BRME1: variants seen among roughly 807,000 people sequenced by gnomAD.
BRME1 encodes break repair meiotic recombinase recruitment factor 1.
A neutral mutation model predicts 52.6 loss-of-function variants in BRME1; 31 were observed. The observed-to-expected ratio is 0.59, with a 90% CI of 0.44 to 0.80. The LOEUF (loss-of-function observed/expected upper bound fraction) is 0.80. Among genes scored for constraint, BRME1 ranks in the 30% least tolerant of loss-of-function variants. The pLI is 0.00. For synonymous variants in BRME1, 359 were observed against 353.6 expected (o/e 1.02, Z -0.17); for missense variants, 804 against 860.3 (o/e 0.93, Z 0.82).
rs201080879 is a variant in BRME1 at position 13,892,888 on chromosome 19, G to A, written c.291C>T (p.Asn97=). 4.3e-6 allele frequency: 7 copies of A among 1,612,502 alleles called. No homozygotes were observed. The highest frequency in any genetic ancestry group is 3.3e-5 in the Admixed American group (2 of 60,024). ...ACTGGGGAACAAACCTCCCGAATGA[G>A]TTCTGTAAACCGGATACAAGAACAA... ...KEPAPLPPSQ[N]SFGRFVPQFA... Residue 97 remains asparagine (N), a splice_region_variant and synonymous_variant, in exon 5 of 9, where the codon AAC becomes AAT. Coordinates refer to ENST00000586783, the MANE Select transcript of BRME1 (RefSeq NM_001345843.2).
rs1969828539 is a variant in BRME1 at position 13,895,562 on chromosome 19, AG to A, written c.32-17del. ...AGTCCCTCTCCTGTTTTAGAGACAGAGGAAGATGAAGGGGTGGGGGATACAG... is the reference window on the plus strand; with the variant it reads ...AGTCCCTCTCCTGTTTTAGAGACAGAGAAGATGAAGGGGTGGGGGATACAG... On this transcript the variant is annotated splice_polypyrimidine_tract_variant and intron_variant, in intron 2 of 8. Coordinates refer to ENST00000586783, the MANE Select transcript of BRME1 (RefSeq NM_001345843.2). 6.2e-7 allele frequency: 1 copy of A among 1,603,434 alleles called. No homozygotes were observed. Among genetic ancestry groups the A allele is most frequent in the African/African-American group, 1.3e-5 (1 of 74,456 alleles).
At chr19:13,887,469 G>A (rs2145129305) in intron 6 of BRME1, among the ~76,000 whole-genome samples, 1 of 152,278 alleles carries the variant, frequency 6.6e-6, no homozygotes, top group Admixed American at 6.5e-5. Context: ...TGGATTTCAG[G>A]GTCTTTTTCC....
At chr19:13,886,153 C>A in intron 6 of BRME1, 98 bp from the exon 7 acceptor site, 1 of 998,538 alleles carries the variant, frequency 1.0e-6, no homozygotes, top group Admixed American at 2.1e-5. Context: ...GGCTTCACCG[C>A]GGCCACAGCA....
Position 13,890,262 on chromosome 19 carries a change from C to A in BRME1, c.594G>T (p.Gly198=). 1.9e-6 allele frequency: 3 copies of A among 1,613,766 alleles called. No individual in the cohort carries two copies. The highest frequency in any genetic ancestry group is 2.2e-5 in the South Asian group (2 of 91,062). Residue 198 remains glycine (G), a synonymous_variant, in exon 6 of 9, where the codon GGG becomes GGT. Coordinates refer to ENST00000586783, the MANE Select transcript of BRME1 (RefSeq NM_001345843.2). ...CCCTCTGTGAGGCGGACAACCCCGT[C>A]CCCCTGTCTGGAGGGTCATCAGGCT... ...DSQPDDPPDR[G]TGLSASQRAS... is the part of the protein sequence containing the mutation.
chr19:13,884,408 T>G (rs1337130412), intron 7 of BRME1, among the ~76,000 whole-genome samples: 1 of 151,766 alleles, frequency 6.6e-6, no homozygotes, highest in African/African-American at 2.4e-5. Context: ...GGTGGATTAC[T>G]TGAATCCAGG....
At position 13,883,049 on chromosome 19, in the gene BRME1, T is replaced by C; in HGVS notation, c.1857-97A>G. ...GCCACATGGTCACCAATGACTCAGG[T>C]GCACACACACGGCTCACACACGTGC... On this transcript the variant is annotated intron_variant, in intron 8 of 8. Coordinates refer to ENST00000586783, the MANE Select transcript of BRME1 (RefSeq NM_001345843.2). This position sits in a 1 kb window ranked among gnomAD's most constrained non-coding sequence, Gnocchi z 4.2. 6.9e-7 allele frequency: 1 copy of C among 1,453,054 alleles called. No homozygotes were observed. The highest frequency in any genetic ancestry group is 9.4e-7 in the Non-Finnish European group (1 of 1,068,322). The allele number at this position is 1,453,054 out of a possible 1,614,324, so 90.0% of individuals were successfully genotyped here. A position where few individuals can be genotyped will look rare whatever the true frequency, so the allele number is the denominator to read the frequency against.
chr19:13,895,274 G>C, intron 3 of BRME1, 98 bp downstream of exon 3: 1 of 1,329,282 alleles, frequency 7.5e-7, no homozygotes, highest in African/African-American at 1.5e-5. Flanking sequence ...CACTAGATAG[G>C]TTGTGGGTCT....
In BRME1 at chr19:13,895,362, AG is replaced by A; in HGVS notation, c.206+9del. 3 of 1,610,708 alleles carry A rather than the reference AG, an allele frequency of 1.9e-6. No individual in the cohort carries two copies. The highest frequency in any genetic ancestry group is 2.5e-6 in the Non-Finnish European group (3 of 1,178,914). ...TGGGGAGACCTGCCGGAATGTTCAG[AG>A]CCACCTACCTGGAGACGGCCTTTCC... On this transcript the variant is annotated intron_variant, in intron 3 of 8. Transcript: ENST00000586783.
At position 13,889,383 on chromosome 19, in the gene BRME1, G is replaced by T. The variant is rs61732721; in HGVS notation, c.1473C>A (p.Asp491Glu). 8.2e-3 allele frequency: 13,172 copies of T among 1,614,088 alleles called. 78 individuals are homozygous for T. The highest frequency in any genetic ancestry group is 0.01 in the Non-Finnish European group (12,008 of 1,180,026). The change falls in exon 6 of 9, where the codon GAC (aspartate) becomes GAA (glutamate). Residue 491 changes from aspartate to glutamate, a missense_variant. Physicochemically the swap from Asp to Glu is conservative, Grantham distance 45 (BLOSUM62 2). This residue lies in a region of BRME1 where 552 missense variants were observed against 561.1 expected (regional missense o/e 0.98). Transcript: ENST00000586783. ...VVLEHREIAD[D>E]PLQEPGAQQG... ...GCTGAGCCCCGGGCTCCTGGAGAGGGTCGTCTGCTATTTCTCTGTGTTCCA... is the reference window on the plus strand; with the variant it reads ...GCTGAGCCCCGGGCTCCTGGAGAGGTTCGTCTGCTATTTCTCTGTGTTCCA...
At chr19:13,898,649 C>T (rs922977513) in intron 2 of BRME1, among the ~76,000 whole-genome samples, 1 of 151,944 alleles carries the variant, frequency 6.6e-6, no homozygotes, top group Non-Finnish European at 1.5e-5. Context: ...CAGGACCAGG[C>T]GCAGTGGTTC....
intron 6 of BRME1, among the ~76,000 whole-genome samples, chr19:13,886,796 CAAAAAA>C (rs61412091): frequency 2.3e-5 from 2 of 85,162 alleles, no homozygotes; most frequent in African/African-American, 3.8e-5. Flanking sequence ...CCTGTCTGTA[CAAAAAA>C]AAAAAAAAAA....
chr19:13,900,904 C>G (rs1970250852), intron 2 of BRME1, among the ~76,000 whole-genome samples: 1 of 152,072 alleles, frequency 6.6e-6, no homozygotes, highest in African/African-American at 2.4e-5. Flanking sequence ...ACCCTGACCT[C>G]AAATGATCCA....
intron 2 of BRME1, among the ~76,000 whole-genome samples, chr19:13,898,314 A>G (rs566150581): frequency 5.5e-4 from 84 of 152,206 alleles, no homozygotes; most frequent in Admixed American, 1.2e-3. Context: ...CAAGGCAGGC[A>G]GAACAAAAAG....
chr19:13,897,131 C>T (rs1370478514), intron 2 of BRME1, among the ~76,000 whole-genome samples: 1 of 151,864 alleles, frequency 6.6e-6, no homozygotes, highest in Non-Finnish European at 1.5e-5. Flanking sequence ...CTCTGCCTCC[C>T]GGGTTCAAGT....
At chr19:13,890,791 C>T (rs1341848748) in intron 5 of BRME1, among the ~76,000 whole-genome samples, 9 of 151,936 alleles carry the variant, frequency 5.9e-5, no homozygotes, top group African/African-American at 1.9e-4. Context: ...TGTTTGAACC[C>T]GGGAGGCGGA....
rs1390883299 is a variant in BRME1, at chr19:13,904,887, A to G, written c.6T>C (p.Thr2=). The change falls in exon 2 of 9, where the codon ACT becomes ACC. Residue 2 remains threonine (T), a synonymous_variant. Coordinates refer to ENST00000586783, the MANE Select transcript of BRME1 (RefSeq NM_001345843.2). M[T]KRKKLRTSGE... ...CTGAGGTCCGCAGCTTCTTCCTCTT[A>G]GTCATTTTATCTTCCCCTTGAGAAA... 6.2e-7 allele frequency: 1 copy of G among 1,613,772 alleles called. No individual in the cohort carries two copies. Among genetic ancestry groups the G allele is most frequent in the Non-Finnish European group, 8.5e-7 (1 of 1,179,768 alleles).
Position 13,904,749 on chromosome 19 carries a change from T to C in BRME1, c.31+113A>G, listed in dbSNP as rs542637466. On this transcript the variant is annotated intron_variant, in intron 2 of 8. Transcript: ENST00000586783. ...GCCACCGCACCCGGCCAATCCTTGC[T>C]TCCTTTTAAGGAGGTTAAGGCAGTC... 4.5e-5 allele frequency: 53 copies of C among 1,164,984 alleles called. No individual in the cohort carries two copies. In the Admixed American group the frequency reaches 9.3e-4, roughly 21 times the overall value. 72.2% of individuals were successfully genotyped at this position (1,164,984 alleles called of 1,614,324 possible).
chr19:13,892,678 G>A, intron 5 of BRME1, 108 bp downstream of exon 5: 2 of 767,224 alleles, frequency 2.6e-6, no homozygotes, highest in Non-Finnish European at 4.5e-6. Flanking sequence ...GTGGAGAGGT[G>A]CAGGCCTCAC....
Position 13,895,434 on chromosome 19 carries a change from G to A in BRME1, c.144C>T (p.Gly48=), listed in dbSNP as rs759830067. ...GTGTAGAGGGAACAGGTCCCAATTTGCCCTCTGGCTCCTCAGGGTGATGTA... is the reference window on the plus strand; with the variant it reads ...GTGTAGAGGGAACAGGTCCCAATTTACCCTCTGGCTCCTCAGGGTGATGTA... ...GCLHHPEEPE[G]KLGPVPSTQQ... The change falls in exon 3 of 9, where the codon GGC becomes GGT. Residue 48 remains glycine, a synonymous_variant. Coordinates refer to ENST00000586783, the MANE Select transcript of BRME1 (RefSeq NM_001345843.2). 6 of 1,613,982 alleles carry A rather than the reference G, an allele frequency of 3.7e-6. No individual in the cohort carries two copies. Among genetic ancestry groups the A allele is most frequent in the African/African-American group, 2.7e-5 (2 of 74,908 alleles).
Sources: allele counts gnomAD v4.1 joint callset (sites outside exome capture counted in the v4.1 genomes callset), GRCh38; gene constraint gnomAD v4.1.1; regional missense constraint gnomAD v4.1.1; non-coding constraint Gnocchi (gnomAD v3.1); transcripts MANE v1.5; gene names NCBI Gene and HGNC (gene_info 2026-07-23, HGNC 2026-07-21).